Variants in NTM observed in about 807,000 individuals in gnomAD.
The protein encoded by NTM is neurotrimin, also known as IgLON family member 2.
In NTM, 13 loss-of-function variants were observed where a neutral mutation model predicts 42.1. The ratio of observed to expected loss-of-function variants is 0.31; its 90% CI spans 0.20 to 0.49. The LOEUF (loss-of-function observed/expected upper bound fraction) is 0.49, where lower values mean the gene tolerates loss of function less well. NTM is among the 20% of genes least tolerant of loss of function. The probability of loss-of-function intolerance (pLI) is 0.99; values close to 1 mark genes in which losing one functional copy is unlikely to be tolerated. For synonymous variants in NTM, 187 were observed against 179.2 expected (o/e 1.04, Z -0.35); for missense variants, 373 against 452.8 (o/e 0.82, Z 1.60).
chr11:132,223,068 T>G (rs1022198953), intron 4 of NTM, among the ~76,000 whole-genome samples: 1 of 152,244 alleles, frequency 6.6e-6, no homozygotes, highest in African/African-American at 2.4e-5. Context: ...GAAAAGGATT[T>G]AAGCAGAGAA....
At chr11:131,374,034 T>G (rs7943929) in intron 1 of NTM, among the ~76,000 whole-genome samples, 48,121 of 152,080 alleles carry the variant, frequency 0.32, 8,238 homozygotes, top group East Asian at 0.61. Context: ...ATGCTTCTGA[T>G]ATTCAGGGGT....
chr11:132,189,609 T>G (rs2138222513), intron 3 of NTM, among the ~76,000 whole-genome samples: 1 of 151,922 alleles, frequency 6.6e-6, no homozygotes, highest in East Asian at 1.9e-4. Context: ...CACCAGGAAA[T>G]ATAGTTGCCT....
intron 2 of NTM, among the ~76,000 whole-genome samples, chr11:131,985,499 G>A (rs112753954): frequency 7.9e-5 from 12 of 152,292 alleles, no homozygotes; most frequent in African/African-American, 2.4e-4. Flanking sequence ...GTGCAACACC[G>A]TGCTACTGGC....
intron 1 of NTM, among the ~76,000 whole-genome samples, chr11:131,431,504 A>T: frequency 6.6e-6 from 1 of 152,174 alleles, no homozygotes; most frequent in African/African-American, 2.4e-5. Context: ...CCACCTCTGC[A>T]TCTCAGGTTA....
chr11:131,586,247 A>G (rs1335942696), intron 1 of NTM, among the ~76,000 whole-genome samples: 5 of 152,134 alleles, frequency 3.3e-5, no homozygotes, highest in East Asian at 1.9e-4. Flanking sequence ...CTGGGACCAC[A>G]GGCATGCAGA....
chr11:132,166,394 C>T (rs2075286507), intron 3 of NTM, among the ~76,000 whole-genome samples: 1 of 152,114 alleles, frequency 6.6e-6, no homozygotes. Context: ...AACCACAACA[C>T]TGTTTGGCAC....
At position 132,003,591 on chromosome 11, in the gene NTM, T is replaced by C. The variant is rs2069932240; in HGVS notation, c.167+91943T>C. ...AGTTCCTGGGTAAAACTGATCCTTGTGGTCTGGGGACCACACTTTGAGAAT... is the reference window on the plus strand; with the variant it reads ...AGTTCCTGGGTAAAACTGATCCTTGCGGTCTGGGGACCACACTTTGAGAAT... On this transcript the variant is annotated intron_variant, in intron 2 of 8. Coordinates refer to ENST00000683400, the MANE Select transcript of NTM (RefSeq NM_001352005.2). The surrounding 1 kb of genome is among the most constrained non-coding windows in gnomAD (Gnocchi z 6.0). Among the ~76,000 whole-genome samples the C allele has an allele frequency of 6.6e-6, 1 of 152,144 alleles. No homozygotes were observed. The highest frequency in any genetic ancestry group is 2.1e-4 in the South Asian group (1 of 4,826).
intron 1 of NTM, among the ~76,000 whole-genome samples, chr11:131,371,702 G>T (rs748835740): frequency 6.6e-6 from 1 of 152,136 alleles, no homozygotes; most frequent in African/African-American, 2.4e-5. Flanking sequence ...TTGCTGCACC[G>T]TGCCTCCCCA....
chr11:131,636,289 C>T (rs983725560), intron 1 of NTM, among the ~76,000 whole-genome samples: 2 of 152,146 alleles, frequency 1.3e-5, no homozygotes, highest in African/African-American at 4.8e-5. Context: ...TCCGTCTGTA[C>T]AACTGAAGTA....
chr11:131,507,896 T>C lies in NTM; in HGVS notation c.82+137008T>C, dbSNP rs542117435. ...TGTATAAGAATGCTTGTGATTTTTG[T>C]ACATTGATTTTGTTAGACCTAAAAC... is the stretch of plus-strand genomic sequence containing the variant. On this transcript the variant is annotated intron_variant, in intron 1 of 8. Transcript: ENST00000683400. Among the ~76,000 whole-genome samples, 39 of 152,164 alleles carry C rather than the reference T, an allele frequency of 2.6e-4. No individual in the cohort carries two copies. The South Asian group carries it at 7.7e-3, about 30-fold the overall frequency.
Position 131,753,886 on chromosome 11 carries a change from G to A in NTM, c.83-157678G>A, listed in dbSNP as rs570870185. Among the ~76,000 whole-genome samples, 57 of 147,028 alleles carry A rather than the reference G, an allele frequency of 3.9e-4. No homozygotes were observed. In the South Asian group the frequency reaches 0.011, roughly 29 times the overall value. On this transcript the variant is annotated intron_variant, in intron 1 of 8. Transcript: ENST00000683400. Reference sequence around the variant, plus strand: ...GTGCACATGTACCCTAAAACTTAAAGTATAATAATAATAAAATTAAAAAAA... The same window carrying A: ...GTGCACATGTACCCTAAAACTTAAAATATAATAATAATAAAATTAAAAAAA...
intron 2 of NTM, among the ~76,000 whole-genome samples, chr11:131,932,047 G>C (rs865980026): frequency 1.3e-5 from 2 of 152,294 alleles, no homozygotes; most frequent in Middle Eastern, 3.4e-3. Flanking sequence ...ACTGATAAGC[G>C]TGTCTCTGGA....
chr11:131,545,823 T>G (rs1343460645), intron 1 of NTM, among the ~76,000 whole-genome samples: 2 of 152,120 alleles, frequency 1.3e-5, no homozygotes, highest in Non-Finnish European at 2.9e-5. Context: ...GGGGAGAAGA[T>G]AGATTTTTCG....
intron 2 of NTM, among the ~76,000 whole-genome samples, chr11:132,131,108 C>T (rs1196785195): frequency 2.0e-5 from 3 of 152,308 alleles, no homozygotes; most frequent in South Asian, 2.1e-4. Context: ...CTGCATTCTC[C>T]GTTCTCATTT....
chr11:132,249,052 T>C (rs1190681997), intron 4 of NTM, among the ~76,000 whole-genome samples: 1 of 152,206 alleles, frequency 6.6e-6, no homozygotes, highest in Non-Finnish European at 1.5e-5. Context: ...CTCCACACAC[T>C]TCCTGTCTCT....
intron 2 of NTM, among the ~76,000 whole-genome samples, chr11:132,104,585 C>G (rs1339180726): frequency 7.2e-6 from 1 of 138,762 alleles, no homozygotes; most frequent in Non-Finnish European, 1.5e-5. Context: ...GACCCCCCCC[C>G]ACCAAAAATA....
intron 1 of NTM, among the ~76,000 whole-genome samples, chr11:131,782,861 C>T (rs1010747483): frequency 6.6e-6 from 1 of 152,022 alleles, no homozygotes; most frequent in African/African-American, 2.4e-5. Flanking sequence ...TACAGAAAAC[C>T]TATAGCTATT....
chr11:131,756,768 A>G (rs1298840275), intron 1 of NTM, among the ~76,000 whole-genome samples: 1 of 152,182 alleles, frequency 6.6e-6, no homozygotes, highest in African/African-American at 2.4e-5. Context: ...ATGAAGAGAG[A>G]AAACGGGCTA....
intron 1 of NTM, among the ~76,000 whole-genome samples, chr11:131,693,393 C>T (rs962893887): frequency 6.6e-5 from 10 of 152,268 alleles, no homozygotes; most frequent in South Asian, 2.1e-4. Context: ...CAACCTTAGC[C>T]GGGACGGAGT....
Sources: allele counts gnomAD v4.1 joint callset (sites outside exome capture counted in the v4.1 genomes callset), GRCh38; gene constraint gnomAD v4.1.1; non-coding constraint Gnocchi (gnomAD v3.1); transcripts MANE v1.5; gene names NCBI Gene and HGNC (gene_info 2026-07-23, HGNC 2026-07-21).